SLC4A4: variants seen among roughly 807,000 people sequenced by gnomAD.
The protein encoded by SLC4A4 is electrogenic sodium bicarbonate cotransporter 1.
A neutral mutation model predicts 111.5 loss-of-function variants in SLC4A4; 27 were observed. That is an observed-to-expected ratio of 0.24 (90% CI 0.18 to 0.33). SLC4A4 has a LOEUF of 0.33. Among genes scored for constraint, SLC4A4 ranks in the 10% least tolerant of loss-of-function variants. The pLI is 1.00. For missense variants in SLC4A4, 909 were observed against 1,315.5 expected, an observed-to-expected ratio of 0.69 and a Z score of 4.78; for synonymous variants, 443 against 463.4, an observed-to-expected ratio of 0.96 and a Z score of 0.57.
intron 2 of SLC4A4, among the ~76,000 whole-genome samples, chr4:71,175,499 T>C (rs1446096191): frequency 6.6e-6 from 1 of 152,200 alleles, no homozygotes; most frequent in Non-Finnish European, 1.5e-5. Flanking sequence ...ACTTTTCCAA[T>C]GGTCTTAGCA....
intron 3 of SLC4A4, among the ~76,000 whole-genome samples, chr4:71,299,193 A>T (rs1725026293): frequency 6.6e-6 from 1 of 152,230 alleles, no homozygotes; most frequent in Admixed American, 6.5e-5. Context: ...CAGCCAATTG[A>T]CTACTGACCA....
At chr4:71,567,507 C>T (rs1737592377) in intron 25 of SLC4A4, among the ~76,000 whole-genome samples, 1 of 151,750 alleles carries the variant, frequency 6.6e-6, no homozygotes, top group Non-Finnish European at 1.5e-5. Context: ...TAATTTCTGA[C>T]AGCATTACCC....
At chr4:71,269,428 G>A (rs1722534570) in intron 3 of SLC4A4, among the ~76,000 whole-genome samples, 1 of 152,186 alleles carries the variant, frequency 6.6e-6, no homozygotes, top group Non-Finnish European at 1.5e-5. Flanking sequence ...TTCTGAACGG[G>A]CTTTTCCCGT....
chr4:71,299,811 T>A (rs1282280191), intron 3 of SLC4A4, among the ~76,000 whole-genome samples: 2 of 152,034 alleles, frequency 1.3e-5, no homozygotes, highest in Non-Finnish European at 2.9e-5. Flanking sequence ...TATGGGAGAG[T>A]CATACACCAG....
chr4:71,466,169 CT>C (rs887427681), intron 12 of SLC4A4, among the ~76,000 whole-genome samples: 2 of 152,090 alleles, frequency 1.3e-5, no homozygotes, highest in Admixed American at 6.6e-5. Flanking sequence ...TCGGAGCCAC[CT>C]TTTGCCTTCT....
At chr4:71,217,287 G>A (rs1304020337) in intron 1 of SLC4A4, among the ~76,000 whole-genome samples, 1 of 152,224 alleles carries the variant, frequency 6.6e-6, no homozygotes, top group Non-Finnish European at 1.5e-5. Flanking sequence ...GCAGTTATGG[G>A]CTGGGTGTGG....
intron 6 of SLC4A4, among the ~76,000 whole-genome samples, chr4:71,392,306 C>T (rs1719365930): frequency 2.0e-5 from 3 of 151,974 alleles, no homozygotes. Context: ...GTTTATGTGG[C>T]AAGGATGATA....
intron 2 of SLC4A4, among the ~76,000 whole-genome samples, chr4:71,146,525 C>T (rs1025729814): frequency 2.2e-4 from 33 of 152,118 alleles, no homozygotes; most frequent in African/African-American, 7.7e-4. Flanking sequence ...GTCTCGTTCA[C>T]CTGTCTAATG....
At chr4:71,434,655 G>C (rs1723949769) in intron 7 of SLC4A4, 2 of 152,088 alleles carry the variant, frequency 1.3e-5, no homozygotes, top group African/African-American at 4.8e-5. Context: ...TGACACAATT[G>C]TATATTTAGA....
chr4:71,416,502 A>G (rs1291207179), intron 7 of SLC4A4, among the ~76,000 whole-genome samples: 3 of 152,170 alleles, frequency 2.0e-5, no homozygotes, highest in African/African-American at 2.4e-5. Flanking sequence ...CTGCTTGACC[A>G]TAAGTAACTG....
At chr4:71,483,882 G>A (rs1388995787) in intron 14 of SLC4A4, among the ~76,000 whole-genome samples, 1 of 151,864 alleles carries the variant, frequency 6.6e-6, no homozygotes, top group Non-Finnish European at 1.5e-5. Flanking sequence ...GGTGTGAATA[G>A]TATCTCACTG....
At chr4:71,258,388 T>C (rs1290602243) in intron 3 of SLC4A4, among the ~76,000 whole-genome samples, 2 of 152,216 alleles carry the variant, frequency 1.3e-5, no homozygotes, top group Non-Finnish European at 2.9e-5. Flanking sequence ...TCATTATTCT[T>C]TCCCAACGCC....
At chr4:71,466,126 G>A (rs542957700) in intron 12 of SLC4A4, among the ~76,000 whole-genome samples, 1 of 152,208 alleles carries the variant, frequency 6.6e-6, no homozygotes, top group Non-Finnish European at 1.5e-5. Context: ...TGATTCTGAC[G>A]TGTAGAAGCT....
chr4:71,527,536 A>C (rs1027992372), intron 16 of SLC4A4, among the ~76,000 whole-genome samples: 6 of 151,986 alleles, frequency 3.9e-5, no homozygotes, highest in African/African-American at 7.2e-5. Flanking sequence ...GGGGAGATCA[A>C]GCACTTAGTT....
rs150238032 is a variant in SLC4A4, at chr4:71,073,212, A to G, written c.-65+10424A>G. ...CTTTAAGTTTAACAACTGATAGATC[A>G]TCTACACATTATGAAGTTTATCTCT... On this transcript the variant is annotated intron_variant, in intron 1 of 26. Coordinates refer to the SLC4A4 transcript ENST00000649996. Among the ~76,000 whole-genome samples the G allele has an allele frequency of 5.4e-4, 82 of 152,262 alleles. No individual in the cohort carries two copies. In the East Asian group the frequency reaches 0.011, roughly 21 times the overall value.
chr4:71,291,449 T>G (rs1724341295), intron 3 of SLC4A4, among the ~76,000 whole-genome samples: 1 of 152,100 alleles, frequency 6.6e-6, no homozygotes, highest in African/African-American at 2.4e-5. Context: ...ATGCATGATT[T>G]TTTTTTTTGA....
At chr4:71,094,747 T>C (rs16845765) in intron 2 of SLC4A4, among the ~76,000 whole-genome samples, 13,939 of 152,186 alleles carry the variant, frequency 0.092, 794 homozygotes, top group African/African-American at 0.16. Flanking sequence ...AGAAGCTGGA[T>C]GTTTTGTGTT....
Position 71,105,380 on chromosome 4 carries a change from C to A in SLC4A4, c.-2+12588C>A, listed in dbSNP as rs966479330. On this transcript the variant is annotated intron_variant, in intron 2 of 26. Transcript: ENST00000649996. ...TTTATAGATTCAATGCCATCCCCAT[C>A]AAGCTACCAATGACTTTCTTCACAG... 8.0e-5 allele frequency among the ~76,000 whole-genome samples: 12 copies of A among 149,764 alleles called. No individual in the cohort carries two copies. The South Asian group carries it at 1.3e-3, about 16-fold the overall frequency.
intron 14 of SLC4A4, among the ~76,000 whole-genome samples, chr4:71,474,628 G>A (rs929011050): frequency 1.3e-5 from 2 of 151,800 alleles, no homozygotes; most frequent in African/African-American, 2.4e-5. Context: ...TGACAAGCTA[G>A]GGCATTGTTG....
Sources: allele counts gnomAD v4.1 joint callset (sites outside exome capture counted in the v4.1 genomes callset), GRCh38; gene constraint gnomAD v4.1.1; transcripts MANE v1.5; gene names NCBI Gene and HGNC (gene_info 2026-07-23, HGNC 2026-07-21).